Variants in RNF111 observed in about 807,000 individuals in gnomAD.
The protein encoded by RNF111 is E3 ubiquitin-protein ligase Arkadia.
RNF111 carries 17 observed loss-of-function variants against 95.1 expected under a neutral mutation model. The observed-to-expected ratio is 0.18, with a 90% CI of 0.12 to 0.27. The LOEUF (loss-of-function observed/expected upper bound fraction) is 0.27. Ranked by LOEUF, RNF111 falls within the 10% of genes least tolerant of loss-of-function variation. The pLI, the probability that RNF111 is intolerant of heterozygous loss-of-function variation, is 1.00. For missense variants in RNF111, 1,189 were observed against 1,210.4 expected (o/e 0.98, Z 0.26); for synonymous variants, 440 against 414.8 (o/e 1.06, Z -0.74).
At chr15:59,093,542 A>C (rs576356190) in intron 13 of RNF111, 1 of 328,426 alleles carries the variant, frequency 3.0e-6, no homozygotes, top group Non-Finnish European at 6.0e-6. Context: ...TTTTGTCATA[A>C]AATTTCCTCT....
intron 2 of RNF111, among the ~76,000 whole-genome samples, chr15:59,035,504 C>T (rs1409977637): frequency 6.6e-6 from 1 of 152,178 alleles, no homozygotes; most frequent in African/African-American, 2.4e-5. Context: ...GTTAATATTT[C>T]ATTCCACATA....
chr15:58,994,261 A>G (rs1399711980), intron 1 of RNF111, among the ~76,000 whole-genome samples: 1 of 150,772 alleles, frequency 6.6e-6, no homozygotes, highest in African/African-American at 2.4e-5. Flanking sequence ...CTGGTCTCGA[A>G]CTCCTGACCT....
intron 1 of RNF111, among the ~76,000 whole-genome samples, chr15:58,997,891 G>A (rs1342215473): frequency 6.7e-6 from 1 of 150,226 alleles, no homozygotes; most frequent in Non-Finnish European, 1.5e-5. Context: ...TGTTTTTTTT[G>A]TTTTTCTTTT....
In RNF111 at chr15:59,055,676, T is replaced by C; in HGVS notation, c.1008-6T>C. The C allele has an allele frequency of 6.3e-7, 1 of 1,595,922 alleles. No homozygotes were observed. The highest frequency in any genetic ancestry group is 1.1e-5 in the South Asian group (1 of 87,772). ...ATTTACTAACTTAATATTGATGTCA[T>C]TTAAGGTCTCGTTCAACCCTTGGAC... On this transcript the variant is annotated splice_region_variant and splice_polypyrimidine_tract_variant and intron_variant, in intron 3 of 13. Coordinates refer to ENST00000348370, the MANE Select transcript of RNF111 (RefSeq NM_017610.8).
At chr15:59,053,716 G>A (rs181544510) in intron 3 of RNF111, among the ~76,000 whole-genome samples, 93 of 152,192 alleles carry the variant, frequency 6.1e-4, no homozygotes, top group Middle Eastern at 3.4e-3. Flanking sequence ...TTTATGAGCT[G>A]TAAGGACTAC....
chr15:59,090,208 TTTTGTTTG>T (rs142811419), intron 11 of RNF111, among the ~76,000 whole-genome samples: 30 of 151,422 alleles, frequency 2.0e-4, no homozygotes, highest in East Asian at 1.2e-3. Flanking sequence ...TGGTTTGTTT[TTTTGTTTG>T]TTTGTTTGTT....
chr15:59,068,653 A>G (rs1409329247), intron 6 of RNF111, among the ~76,000 whole-genome samples: 2 of 151,944 alleles, frequency 1.3e-5, no homozygotes, highest in African/African-American at 2.4e-5. Flanking sequence ...CTTGTTGCCT[A>G]GGATTACAGG....
rs561234116 is a variant in RNF111, at chr15:59,042,429, A to AT, written c.881-9868dup. On this transcript the variant is annotated intron_variant, in intron 2 of 13. Coordinates refer to ENST00000348370, the MANE Select transcript of RNF111 (RefSeq NM_017610.8). ...GCGTGAGCCACTATGGCTGTCCAAC[A>AT]TTTTTTTTCACAAGTCATATTTATC... is the stretch of plus-strand genomic sequence containing the variant. Among the ~76,000 whole-genome samples the AT allele has an allele frequency of 3.0e-3, 454 of 151,752 alleles. 1 individual carries two copies. Among genetic ancestry groups the AT allele is most frequent in the Admixed American group, 6.3e-3 (96 of 15,224 alleles).
At position 59,015,732 on chromosome 15, in the gene RNF111, C is replaced by G. The variant is rs566856317; in HGVS notation, c.-19-15072C>G. ...TGAATATTCTTCGCCCACCGTCACC[C>G]TGTGCATCCTTCATGGTTTGACTTG... On this transcript the variant is annotated intron_variant, in intron 1 of 13. Transcript: ENST00000348370. 2.6e-5 allele frequency among the ~76,000 whole-genome samples: 4 copies of G among 152,208 alleles called. No homozygotes were observed. In the East Asian group the frequency reaches 5.8e-4, roughly 22 times the overall value.
At chr15:59,093,768 G>T (rs2079123072) in intron 13 of RNF111, among the ~76,000 whole-genome samples, 1 of 151,710 alleles carries the variant, frequency 6.6e-6, no homozygotes, top group African/African-American at 2.4e-5. Flanking sequence ...AATTTATAAG[G>T]ATAACTTTGT....
chr15:59,035,883 C>T (rs1596154497), intron 2 of RNF111, among the ~76,000 whole-genome samples: 4 of 152,148 alleles, frequency 2.6e-5, no homozygotes, highest in Admixed American at 2.6e-4. Context: ...CAAACTTCCC[C>T]ACATCTTCTT....
intron 1 of RNF111, among the ~76,000 whole-genome samples, chr15:59,013,707 C>T (rs59125511): frequency 0.043 from 6,570 of 152,140 alleles, 511 homozygotes; most frequent in African/African-American, 0.15. Context: ...AACTCCTGAA[C>T]GAGGGAGTGT....
rs2038641959 is a variant in RNF111, at chr15:58,988,055, G to A, written c.-33G>A. The A allele has an allele frequency of 6.6e-6, 1 of 151,024 alleles. No individual in the cohort carries two copies. The highest frequency in any genetic ancestry group is 2.4e-5 in the African/African-American group (1 of 40,918). 9.4% of individuals were successfully genotyped at this position (151,024 alleles called of 1,614,324 possible). On this transcript the variant is annotated 5_prime_UTR_variant, in exon 1 of 14. Transcript: ENST00000348370. ...CCCGGACCCTGGAAGAGAAGAGGGT[G>A]GCTAATGATTAAGGTGAGGGGAACG...
chr15:59,016,845 TA>T (rs1384318783), intron 1 of RNF111, among the ~76,000 whole-genome samples: 2 of 152,154 alleles, frequency 1.3e-5, no homozygotes, highest in Non-Finnish European at 2.9e-5. Context: ...TCACTTACAT[TA>T]CTGCTTGAGT....
rs2043031048 is a variant in RNF111, at chr15:59,073,487, A to AT, written c.1687-2467_1687-2466insT. On this transcript the variant is annotated intron_variant, in intron 6 of 13. Coordinates refer to ENST00000348370, the MANE Select transcript of RNF111 (RefSeq NM_017610.8). ...TAGAGTGAGACACCATCTCCAAAAAAAAAAAAAATAAATAAACTACTTTCT... is the reference window on the plus strand; with the variant it reads ...TAGAGTGAGACACCATCTCCAAAAAATAAAAAAAATAAATAAACTACTTTCT... 2.9e-5 allele frequency among the ~76,000 whole-genome samples: 4 copies of AT among 137,832 alleles called. No individual in the cohort carries two copies. In the Admixed American group the frequency reaches 3.0e-4, roughly 10 times the overall value. The allele number at this position is 137,832 out of a possible 152,430, so 90.4% of individuals were successfully genotyped here.
At chr15:59,093,289 A>C in intron 13 of RNF111, 1 of 367,684 alleles carries the variant, frequency 2.7e-6, no homozygotes, top group Non-Finnish European at 5.2e-6. Context: ...GTTCTTCAAA[A>C]CTTAAACAGG....
At chr15:59,057,628 T>C (rs1400391539) in intron 4 of RNF111, among the ~76,000 whole-genome samples, 5 of 152,250 alleles carry the variant, frequency 3.3e-5, no homozygotes, top group African/African-American at 1.2e-4. Context: ...TTTCTTTTAC[T>C]TTCTGATAGA....
intron 1 of RNF111, among the ~76,000 whole-genome samples, chr15:59,029,257 A>G (rs1273079339): frequency 6.6e-6 from 1 of 151,980 alleles, no homozygotes; most frequent in East Asian, 1.9e-4. Context: ...CAACTCTTAG[A>G]TCACATGTAC....
chr15:59,050,738 T>G (rs1281606004), intron 2 of RNF111, among the ~76,000 whole-genome samples: 1 of 152,208 alleles, frequency 6.6e-6, no homozygotes, highest in Non-Finnish European at 1.5e-5. Flanking sequence ...CTCCAAAAAT[T>G]TCTTCCTGTC....
Sources: gnomAD v4.1 joint callset for allele counts (sites outside exome capture counted in the v4.1 genomes callset) on GRCh38, gnomAD v4.1.1 for gene constraint, MANE v1.5 for transcripts, NCBI Gene and HGNC (gene_info 2026-07-23, HGNC 2026-07-21) for gene names.